PRKCE: variants seen among roughly 807,000 people sequenced by gnomAD.
PRKCE encodes protein kinase C epsilon type.
In PRKCE, 16 loss-of-function variants were observed where a neutral mutation model predicts 85.4. The observed-to-expected ratio is 0.19, with a 90% confidence interval of 0.13 to 0.28. The LOEUF (loss-of-function observed/expected upper bound fraction) is 0.28. Ranked by LOEUF, PRKCE falls within the 10% of genes least tolerant of loss-of-function variation. PRKCE has a pLI of 1.00. For synonymous variants in PRKCE, 388 were observed against 371.5 expected (o/e 1.04, Z -0.51); for missense variants, 573 against 975.2 (o/e 0.59, Z 5.49).
chr2:46,109,703 T>C (rs1426976853), intron 11 of PRKCE, among the ~76,000 whole-genome samples: 2 of 152,100 alleles, frequency 1.3e-5, no homozygotes, highest in Non-Finnish European at 2.9e-5. Context: ...TTTCTTTTCT[T>C]GTTTTATCAC....
intron 2 of PRKCE, among the ~76,000 whole-genome samples, chr2:45,956,872 C>T (rs771775946): frequency 3.9e-5 from 6 of 152,222 alleles, no homozygotes; most frequent in Non-Finnish European, 8.8e-5. Context: ...ATTTCACTGT[C>T]GTTTTAATTT....
intron 6 of PRKCE, among the ~76,000 whole-genome samples, chr2:45,985,061 T>G (rs1703201892): frequency 6.6e-6 from 1 of 152,168 alleles, no homozygotes; most frequent in Non-Finnish European, 1.5e-5. Context: ...AGGCTTTTCT[T>G]GCATGGTCCA....
chr2:46,128,155 C>G (rs1456540777), intron 11 of PRKCE, among the ~76,000 whole-genome samples: 1 of 152,206 alleles, frequency 6.6e-6, no homozygotes. Flanking sequence ...CTGGTTCCCC[C>G]TCTAGTTTTT....
intron 1 of PRKCE, among the ~76,000 whole-genome samples, chr2:45,691,566 G>A (rs746234067): frequency 6.6e-6 from 1 of 152,238 alleles, no homozygotes; most frequent in East Asian, 1.9e-4. Flanking sequence ...AAGGCTTTCA[G>A]TTCAGGCATC....
intron 2 of PRKCE, among the ~76,000 whole-genome samples, chr2:45,954,703 T>C (rs1176641719): frequency 6.6e-6 from 1 of 152,244 alleles, no homozygotes; most frequent in East Asian, 1.9e-4. Flanking sequence ...AGGAATCTTA[T>C]ACAAGGAAAC....
In PRKCE at chr2:46,003,374, G is replaced by A. The variant is rs192292775; in HGVS notation, c.967-1168G>A. 8.5e-5 allele frequency among the ~76,000 whole-genome samples: 13 copies of A among 152,352 alleles called. No homozygotes were observed. The East Asian group carries it at 1.7e-3, about 20-fold the overall frequency. ...AGTCTAAACCACTGATGTTAATGGA[G>A]ACTCAAAGTGGATATGCCAGCATCT... On this transcript the variant is annotated intron_variant, in intron 7 of 14. Coordinates refer to ENST00000306156, the MANE Select transcript of PRKCE (RefSeq NM_005400.3).
intron 2 of PRKCE, among the ~76,000 whole-genome samples, chr2:45,922,899 A>T (rs1334484732): frequency 6.6e-6 from 1 of 152,212 alleles, no homozygotes; most frequent in South Asian, 2.1e-4. Context: ...TTGAGGGTAC[A>T]TCCTTCACAT....
At chr2:46,022,574 A>G (rs1373557503) in intron 10 of PRKCE, among the ~76,000 whole-genome samples, 2 of 152,244 alleles carry the variant, frequency 1.3e-5, no homozygotes, top group African/African-American at 4.8e-5. Flanking sequence ...TCAAAGCTCA[A>G]TTCAGCAAAT....
intron 6 of PRKCE, among the ~76,000 whole-genome samples, chr2:45,991,820 C>G (rs745524563): frequency 2.0e-5 from 3 of 152,206 alleles, no homozygotes; most frequent in Non-Finnish European, 4.4e-5. Context: ...TGTTAATGGA[C>G]TGCTTTACCT....
chr2:45,992,196 T>A (rs1703856339), intron 6 of PRKCE, among the ~76,000 whole-genome samples: 1 of 152,042 alleles, frequency 6.6e-6, no homozygotes, highest in African/African-American at 2.4e-5. Context: ...GTGCTTTGGT[T>A]GACTCAGAAT....
intron 4 of PRKCE, among the ~76,000 whole-genome samples, chr2:45,979,354 C>A (rs1247722827): frequency 6.6e-6 from 1 of 152,158 alleles, no homozygotes; most frequent in Non-Finnish European, 1.5e-5. Flanking sequence ...TGAACTGGGT[C>A]TGTGTATTCT....
At chr2:46,018,288 C>T (rs1706337027) in intron 10 of PRKCE, among the ~76,000 whole-genome samples, 1 of 152,128 alleles carries the variant, frequency 6.6e-6, no homozygotes, top group Non-Finnish European at 1.5e-5. Context: ...TGCCATGGGG[C>T]ATCATGGGGC....
At chr2:45,937,013 A>ATT (rs1000749058) in intron 2 of PRKCE, among the ~76,000 whole-genome samples, 1 of 152,194 alleles carries the variant, frequency 6.6e-6, no homozygotes, top group African/African-American at 2.4e-5. Flanking sequence ...CAGTACTTGT[A>ATT]TTTTAAGTTC....
rs1474071793 is a variant in PRKCE, at chr2:46,159,441, T to C, written c.1921-165T>C. Among the ~76,000 whole-genome samples, 1 of 152,238 alleles carries C rather than the reference T, an allele frequency of 6.6e-6. No homozygotes were observed. The highest frequency in any genetic ancestry group is 1.9e-4 in the East Asian group (1 of 5,202). On this transcript the variant is annotated intron_variant, in intron 13 of 14. Coordinates refer to ENST00000306156, the MANE Select transcript of PRKCE (RefSeq NM_005400.3). The surrounding 1 kb of genome is among the most constrained non-coding windows in gnomAD (Gnocchi z 4.1). Reference sequence around the variant, plus strand: ...GGTGTCTGGGACATAGTCAATTCTATGTAAGAGTTAAAGAAAACCCAACAG... The same window carrying C: ...GGTGTCTGGGACATAGTCAATTCTACGTAAGAGTTAAAGAAAACCCAACAG...
Position 46,116,405 on chromosome 2 carries a change from CTG to C in PRKCE, c.1593-28685_1593-28684del, listed in dbSNP as rs1275720191. 2.6e-5 allele frequency among the ~76,000 whole-genome samples: 4 copies of C among 152,352 alleles called. No homozygotes were observed. The East Asian group carries it at 7.7e-4, about 29-fold the overall frequency. ...TGACCAGTAATAAGCAATTTGGTAA[CTG>C]TGACCTGGTTGCTTTCATCCTAGTT... On this transcript the variant is annotated intron_variant, in intron 11 of 14. Transcript: ENST00000306156.
chr2:46,120,143 T>C (rs1342848830), intron 11 of PRKCE, among the ~76,000 whole-genome samples: 6 of 152,240 alleles, frequency 3.9e-5, no homozygotes, highest in Non-Finnish European at 5.9e-5. Flanking sequence ...GCAGTAGCAT[T>C]GCTAAGAGGA....
chr2:45,734,287 C>T (rs1353700442), intron 1 of PRKCE, among the ~76,000 whole-genome samples: 1 of 151,910 alleles, frequency 6.6e-6, no homozygotes, highest in Non-Finnish European at 1.5e-5. Context: ...ATCGCTTGAA[C>T]CTGGGAGGTG....
intron 1 of PRKCE, among the ~76,000 whole-genome samples, chr2:45,739,860 A>C (rs1682404692): frequency 6.6e-6 from 1 of 152,226 alleles, no homozygotes; most frequent in Non-Finnish European, 1.5e-5. Flanking sequence ...TACTTGAATA[A>C]AAACAACAAA....
chr2:45,802,034 G>C (rs1459711490), intron 1 of PRKCE, among the ~76,000 whole-genome samples: 3 of 150,476 alleles, frequency 2.0e-5, no homozygotes, highest in Non-Finnish European at 4.4e-5. Flanking sequence ...AGGATCACTT[G>C]AGACCAGGAG....
Sources: gnomAD v4.1 joint callset for allele counts (sites outside exome capture counted in the v4.1 genomes callset) on GRCh38, gnomAD v4.1.1 for gene constraint, Gnocchi (gnomAD v3.1) non-coding constraint, MANE v1.5 for transcripts, NCBI Gene and HGNC (gene_info 2026-07-23, HGNC 2026-07-21) for gene names.